Variants in METTL25 observed in about 807,000 individuals in gnomAD.
METTL25 encodes probable methyltransferase-like protein 25.
METTL25 carries 64 observed loss-of-function variants against 71.6 expected under a neutral mutation model. The ratio of observed to expected loss-of-function variants is 0.89; its 90% CI spans 0.73 to 1.10. The LOEUF (loss-of-function observed/expected upper bound fraction) is 1.10, where lower values mean the gene tolerates loss of function less well. Among genes scored for constraint, METTL25 ranks in the 50% least tolerant of loss-of-function variants. METTL25 has a pLI of 0.00. For synonymous variants in METTL25, 287 were observed against 250.3 expected (o/e 1.15, Z -1.38); for missense variants, 807 against 707.0 (o/e 1.14, Z -1.60).
chr12:82,467,883 CCTTTTCCTTCT>C (rs982685930), intron 9 of METTL25, among the ~76,000 whole-genome samples: 2 of 151,368 alleles, frequency 1.3e-5, no homozygotes, highest in African/African-American at 4.9e-5. Context: ...TTTTCTATAC[CCTTTTCCTTCT>C]CTTTTCCTTC....
At chr12:82,375,666 GT>G (rs1883770507) in intron 1 of METTL25, among the ~76,000 whole-genome samples, 1 of 152,206 alleles carries the variant, frequency 6.6e-6, no homozygotes, top group African/African-American at 2.4e-5. Context: ...GGCTGAATTA[GT>G]GAGGTCCAGA....
At chr12:82,433,630 C>G (rs1484648864) in intron 6 of METTL25, among the ~76,000 whole-genome samples, 1 of 151,556 alleles carries the variant, frequency 6.6e-6, no homozygotes, top group Non-Finnish European at 1.5e-5. Flanking sequence ...TCTTTGCTAA[C>G]TAGCTATGCA....
chr12:82,445,278 C>G (rs1405672340), intron 8 of METTL25, among the ~76,000 whole-genome samples: 2 of 151,774 alleles, frequency 1.3e-5, no homozygotes, highest in Non-Finnish European at 2.9e-5. Flanking sequence ...AAAATATATA[C>G]AAATCTATAA....
chr12:82,470,603 G>GA lies in METTL25; in HGVS notation c.1573-6032dup, dbSNP rs369904372. Among the ~76,000 whole-genome samples the GA allele has an allele frequency of 6.3e-4, 94 of 149,722 alleles. 1 individual carries two copies. Among genetic ancestry groups the GA allele is most frequent in the Admixed American group, 1.4e-3 (21 of 15,056 alleles). On this transcript the variant is annotated intron_variant, in intron 9 of 11. Coordinates refer to ENST00000248306, the MANE Select transcript of METTL25 (RefSeq NM_032230.3). ...TGAAAGGGAAAAGAGGAAAGAATAG[G>GA]AAAAAAAAAGCCTTTCTGCCTTAGA...
intron 8 of METTL25, among the ~76,000 whole-genome samples, chr12:82,446,978 A>G (rs1592739012): frequency 6.6e-6 from 1 of 152,190 alleles, no homozygotes; most frequent in East Asian, 1.9e-4. Context: ...GTATTCAGCA[A>G]AAGAAACATT....
intron 5 of METTL25, among the ~76,000 whole-genome samples, chr12:82,428,457 A>G (rs1416682129): frequency 6.6e-6 from 1 of 151,938 alleles, no homozygotes; most frequent in Non-Finnish European, 1.5e-5. Flanking sequence ...AAAAAATAAA[A>G]TACTTATTGT....
intron 5 of METTL25, among the ~76,000 whole-genome samples, chr12:82,420,850 T>G (rs908197557): frequency 6.6e-6 from 1 of 150,878 alleles, no homozygotes; most frequent in African/African-American, 2.5e-5. Flanking sequence ...CTGATGAGGT[T>G]TGATTTTTTT....
At chr12:82,365,127 T>C (rs529138022) in intron 1 of METTL25, among the ~76,000 whole-genome samples, 2 of 152,330 alleles carry the variant, frequency 1.3e-5, no homozygotes, top group South Asian at 4.1e-4. Context: ...AGAGTCTTAT[T>C]GAAGGCACTC....
At chr12:82,384,637 G>T (rs1398068227) in intron 1 of METTL25, among the ~76,000 whole-genome samples, 1 of 151,800 alleles carries the variant, frequency 6.6e-6, no homozygotes, top group Non-Finnish European at 1.5e-5. Context: ...TTGTTGTAAA[G>T]ATAATATTGT....
At chr12:82,431,397 A>G (rs992633551) in intron 6 of METTL25, among the ~76,000 whole-genome samples, 1 of 151,564 alleles carries the variant, frequency 6.6e-6, no homozygotes, top group Admixed American at 6.6e-5. Context: ...GACCTAGAAC[A>G]CTCTAGCCCA....
At chr12:82,367,906 A>G (rs1041163584) in intron 1 of METTL25, among the ~76,000 whole-genome samples, 1 of 152,232 alleles carries the variant, frequency 6.6e-6, no homozygotes. Flanking sequence ...CTGATACTTT[A>G]GTACTGCATA....
intron 1 of METTL25, among the ~76,000 whole-genome samples, chr12:82,367,200 CTTATA>C (rs1435863880): frequency 3.3e-5 from 5 of 152,070 alleles, no homozygotes; most frequent in East Asian, 1.9e-4. Context: ...CCTCATTCTA[CTTATA>C]TTATACTGTT....
At chr12:82,408,215 G>C (rs1322493261) in intron 5 of METTL25, among the ~76,000 whole-genome samples, 1 of 152,116 alleles carries the variant, frequency 6.6e-6, no homozygotes, top group East Asian at 1.9e-4. Flanking sequence ...ATAGATATAT[G>C]TTCAAGATTA....
intron 9 of METTL25, among the ~76,000 whole-genome samples, chr12:82,459,320 T>C (rs1891702446): frequency 6.6e-6 from 1 of 152,102 alleles, no homozygotes; most frequent in African/African-American, 2.4e-5. Context: ...AAGGAAATGC[T>C]AAAGATCAAA....
chr12:82,359,858 T>A lies in METTL25; in HGVS notation c.259+1034T>A, dbSNP rs148177097. Among the ~76,000 whole-genome samples the A allele has an allele frequency of 1.9e-4, 29 of 152,358 alleles. No individual in the cohort carries two copies. The East Asian group carries it at 5.6e-3, about 29-fold the overall frequency. On this transcript the variant is annotated intron_variant, in intron 1 of 11. Coordinates refer to ENST00000248306, the MANE Select transcript of METTL25 (RefSeq NM_032230.3). ...CTTTATTCATTGAGCATTCTCTGAA[T>A]GCAAAGCATCACTAGAGGGACCTCT...
At chr12:82,406,182 A>T (rs1887072362) in intron 5 of METTL25, among the ~76,000 whole-genome samples, 1 of 152,178 alleles carries the variant, frequency 6.6e-6, no homozygotes, top group Admixed American at 6.5e-5. Flanking sequence ...CAAAAATGAG[A>T]TATCGTGTTC....
rs555512551 is a variant in METTL25, at chr12:82,398,284, A to G, written c.532-511A>G. On this transcript the variant is annotated intron_variant, in intron 3 of 11. Transcript: ENST00000248306. Reference sequence around the variant, plus strand: ...TTTTTTATAGAGACAGGATCTTGCTATATTGGCCAGGGCAGTCTCAAACTC... The same window carrying G: ...TTTTTTATAGAGACAGGATCTTGCTGTATTGGCCAGGGCAGTCTCAAACTC... Among the ~76,000 whole-genome samples, 6 of 149,704 alleles carry G rather than the reference A, an allele frequency of 4.0e-5. No homozygotes were observed. In the East Asian group the frequency reaches 9.8e-4, roughly 24 times the overall value.
At position 82,478,919 on chromosome 12, in the gene METTL25, T is replaced by A. The variant is rs113362369; in HGVS notation, c.1720-13T>A. 0.04 allele frequency: 63,544 copies of A among 1,603,184 alleles called. 1,523 individuals carry two copies. The highest frequency in any genetic ancestry group is 0.048 in the South Asian group (4,351 of 90,234). On this transcript the variant is annotated splice_polypyrimidine_tract_variant and intron_variant, in intron 11 of 11. Coordinates refer to ENST00000248306, the MANE Select transcript of METTL25 (RefSeq NM_032230.3). Reference sequence around the variant, plus strand: ...CAAATGGTTGTATATCTAAATCACTTATTAATTTACAGGAAGATATTGCAT... The same window carrying A: ...CAAATGGTTGTATATCTAAATCACTAATTAATTTACAGGAAGATATTGCAT...
chr12:82,424,665 ATG>A (rs1226922187), intron 5 of METTL25, among the ~76,000 whole-genome samples: 7 of 152,096 alleles, frequency 4.6e-5, no homozygotes, highest in Non-Finnish European at 1.0e-4. Flanking sequence ...CCAAAAAGTC[ATG>A]TTCATGAAGA....
Sources: gnomAD v4.1 joint callset for allele counts (sites outside exome capture counted in the v4.1 genomes callset) on GRCh38, gnomAD v4.1.1 for gene constraint, MANE v1.5 for transcripts, NCBI Gene and HGNC (gene_info 2026-07-23, HGNC 2026-07-21) for gene names.